NBEAL1: variants seen among roughly 807,000 people sequenced by gnomAD.
The protein encoded by NBEAL1 is neurobeachin-like protein 1.
NBEAL1 carries 273 observed loss-of-function variants against 351.3 expected under a neutral mutation model. The ratio of observed to expected loss-of-function variants is 0.78; its 90% CI spans 0.70 to 0.86. NBEAL1 has a LOEUF of 0.86. NBEAL1 is among the 40% of genes least tolerant of loss of function. NBEAL1 has a pLI of 0.00. For missense variants in NBEAL1, 2,961 were observed against 3,201.3 expected, an observed-to-expected ratio of 0.92 and a Z score of 1.81; for synonymous variants, 1,050 against 1,086.4, an observed-to-expected ratio of 0.97 and a Z score of 0.66.
At chr2:203,075,371 T>C in intron 7 of NBEAL1, among the ~76,000 whole-genome samples, 1 of 152,222 alleles carries the variant, frequency 6.6e-6, no homozygotes, top group Non-Finnish European at 1.5e-5. Flanking sequence ...AGCAATCTTA[T>C]GATGAGAGTT....
chr2:203,189,773 G>T (rs185720966), intron 45 of NBEAL1, among the ~76,000 whole-genome samples: 1 of 151,950 alleles, frequency 6.6e-6, no homozygotes, highest in African/African-American at 2.4e-5. Flanking sequence ...TGTTTGATGC[G>T]TTGCTGATTT....
At chr2:203,039,688 C>T (rs998260309) in intron 2 of NBEAL1, among the ~76,000 whole-genome samples, 1 of 152,162 alleles carries the variant, frequency 6.6e-6, no homozygotes, top group Non-Finnish European at 1.5e-5. Flanking sequence ...GCCACTGTGC[C>T]TGGTGTATTT....
At chr2:203,188,676 A>G (rs1575105534) in intron 45 of NBEAL1, 87 bp downstream of exon 45, 2 of 700,008 alleles carry the variant, frequency 2.9e-6, no homozygotes, top group Non-Finnish European at 4.6e-6. Context: ...AGCCTATTTA[A>G]TATCAGAAAG....
chr2:203,139,585 T>TTTTTTTTG (rs1220031751), intron 31 of NBEAL1, among the ~76,000 whole-genome samples: 1 of 143,096 alleles, frequency 7.0e-6, no homozygotes. Context: ...TTTTTTTTTT[T>TTTTTTTTG]TGAGACAGAG....
rs10652390 is a variant in NBEAL1, at chr2:203,174,216, C to CAAAAAAA, written c.6324-910_6324-904dup. On this transcript the variant is annotated intron_variant, in intron 41 of 55. Transcript: ENST00000683969. ...TAATTATCACAGTGCTTTATACTAG[C>CAAAAAAA]AAAAAAAAAAAAAAAAAAAAAAAAA... Among the ~76,000 whole-genome samples the CAAAAAAA allele has an allele frequency of 1.5e-3, 36 of 24,614 alleles. 1 individual carries two copies. The highest frequency in any genetic ancestry group is 2.5e-3 in the African/African-American group (24 of 9,416). 16.1% of individuals were successfully genotyped at this position (24,614 alleles called of 152,430 possible).
At chr2:203,158,901 C>T (rs2063871428) in intron 36 of NBEAL1, among the ~76,000 whole-genome samples, 1 of 143,324 alleles carries the variant, frequency 7.0e-6, no homozygotes, top group Non-Finnish European at 1.5e-5. Context: ...CTCACTGGAG[C>T]CTCCACCTCC....
At chr2:203,114,147 G>T (rs184887491) in intron 17 of NBEAL1, among the ~76,000 whole-genome samples, 1 of 152,142 alleles carries the variant, frequency 6.6e-6, no homozygotes, top group Non-Finnish European at 1.5e-5. Flanking sequence ...ATTATAAGGG[G>T]TTCTCTCAGA....
At chr2:203,138,044 G>C in intron 29 of NBEAL1, 118 bp from the exon 30 acceptor site, 1 of 890,510 alleles carries the variant, frequency 1.1e-6, no homozygotes, top group South Asian at 1.8e-5. Flanking sequence ...ATACCTGCTA[G>C]AGATAGTATA....
At chr2:203,099,509 A>C in intron 11 of NBEAL1, 120 bp from the exon 12 acceptor site, 1 of 588,566 alleles carries the variant, frequency 1.7e-6, no homozygotes, top group East Asian at 2.9e-5. Flanking sequence ...TTTCATCAGA[A>C]GAGGAATGTA....
At chr2:203,105,811 G>A (rs181274548) in intron 12 of NBEAL1, among the ~76,000 whole-genome samples, 1 of 152,258 alleles carries the variant, frequency 6.6e-6, no homozygotes, top group East Asian at 1.9e-4. Flanking sequence ...TTACAGTGTT[G>A]GCAAAGAATG....
chr2:203,060,403 C>T (rs1160561302), intron 6 of NBEAL1, among the ~76,000 whole-genome samples: 1 of 152,030 alleles, frequency 6.6e-6, no homozygotes, highest in Non-Finnish European at 1.5e-5. Flanking sequence ...ATAACCAAAA[C>T]TTGCCACATG....
Position 203,125,979 on chromosome 2 carries a change from C to A in NBEAL1, c.2871C>A (p.Asn957Lys). 1 of 1,535,044 alleles carries A rather than the reference C, an allele frequency of 6.5e-7. No homozygotes were observed. The highest frequency in any genetic ancestry group is 2.1e-5 in the Admixed American group (1 of 47,348). The change falls in exon 21 of 56, where the codon AAC becomes AAA. Residue 957 changes from asparagine (N) to lysine (K), a missense_variant. Physicochemically the swap from Asn to Lys is moderately conservative, Grantham distance 94 (BLOSUM62 0). Coordinates refer to ENST00000683969, the MANE Select transcript of NBEAL1 (RefSeq NM_001378026.1). Reference sequence around the variant, plus strand: ...CTACAGAGTCAAGACTAGAGAGAAACCTAGTTGCAACATTTATCTTAATTG... The same window carrying A: ...CTACAGAGTCAAGACTAGAGAGAAAACTAGTTGCAACATTTATCTTAATTG... ...TKASESRLERNLVATFILIVK... is the reference protein window; with the variant it reads ...TKASESRLERKLVATFILIVK...
At position 203,136,045 on chromosome 2, in the gene NBEAL1, T is replaced by C. The variant is rs781152325; in HGVS notation, c.4182T>C (p.His1394=). The C allele has an allele frequency of 1.9e-6, 3 of 1,613,794 alleles. No individual in the cohort carries two copies. Among genetic ancestry groups the C allele is most frequent in the Non-Finnish European group, 2.5e-6 (3 of 1,179,918 alleles). The part of the protein sequence containing the change: ...FKSENQEEFW[H]SNPSHLSLDL... ...CAGAGAATCAAGAGGAATTCTGGCA[T>C]AGTAACCCTTCACATTTGAGTTTAG... Residue 1394 remains histidine (H), a synonymous_variant, in exon 28 of 56, where the codon CAT becomes CAC. Transcript: ENST00000683969.
chr2:203,125,646 A>G (rs2062920243), intron 20 of NBEAL1, 126 bp downstream of exon 20: 2 of 880,602 alleles, frequency 2.3e-6, no homozygotes, highest in Non-Finnish European at 3.2e-6. Context: ...AGTTGTTTCT[A>G]CTTTTACTAA....
chr2:203,179,700 A>G (rs891658066), intron 42 of NBEAL1, among the ~76,000 whole-genome samples: 3 of 152,174 alleles, frequency 2.0e-5, no homozygotes, highest in African/African-American at 7.2e-5. Context: ...TTGATACTAT[A>G]ATGTTTATAA....
At chr2:203,041,384 A>AC (rs1267341151) in intron 2 of NBEAL1, among the ~76,000 whole-genome samples, 1 of 152,190 alleles carries the variant, frequency 6.6e-6, no homozygotes, top group Non-Finnish European at 1.5e-5. Context: ...CCATTCAGAT[A>AC]CCTGGGAGAA....
intron 36 of NBEAL1, among the ~76,000 whole-genome samples, chr2:203,158,768 A>G (rs952989524): frequency 4.7e-5 from 7 of 148,174 alleles, no homozygotes; most frequent in Non-Finnish European, 1.0e-4. Context: ...ATTTCCTTTC[A>G]GCCTAAAAGA....
At chr2:203,170,077 T>C (rs564023584) in intron 39 of NBEAL1, among the ~76,000 whole-genome samples, 42 of 152,246 alleles carry the variant, frequency 2.8e-4, no homozygotes, top group South Asian at 2.3e-3. Context: ...ATTTTCTCTT[T>C]TTAAAAAATA....
At position 203,057,405 on chromosome 2, in the gene NBEAL1, GTGA is replaced by G; in HGVS notation, c.468_470del (p.Cys156_Glu157delinsTer). ...TTTGTGATCCACGCATTGGCATTTT[GTGA>G]AAGCTTATATGATCCATATCGGAAT... On this transcript the variant is annotated stop_gained and inframe_deletion, in exon 6 of 56. Transcript: ENST00000683969. LOFTEE classifies it high-confidence loss of function. The G allele has an allele frequency of 6.4e-7, 1 of 1,552,888 alleles. No homozygotes were observed. Among genetic ancestry groups the G allele is most frequent in the Non-Finnish European group, 8.7e-7 (1 of 1,146,686 alleles).
Sources: allele counts gnomAD v4.1 joint callset (sites outside exome capture counted in the v4.1 genomes callset), GRCh38; gene constraint gnomAD v4.1.1; transcripts MANE v1.5; gene names NCBI Gene and HGNC (gene_info 2026-07-23, HGNC 2026-07-21).